The following GCC2 variants were observed in gnomAD, a reference collection of about 807,000 sequenced individuals.
GCC2 encodes GRIP and coiled-coil domain-containing protein 2.
Under a neutral mutation model 210.6 loss-of-function variants are expected in GCC2, and 120 were observed. The observed-to-expected ratio is 0.57, with a 90% CI of 0.49 to 0.66. The LOEUF is 0.66. Among genes scored for constraint, GCC2 ranks in the 30% least tolerant of loss-of-function variants. The pLI is 0.00. For missense variants in GCC2, 1,868 were observed against 1,871.9 expected, an observed-to-expected ratio of 1.00 and a Z score of 0.04; for synonymous variants, 703 against 652.7, an observed-to-expected ratio of 1.08 and a Z score of -1.17.
chr2:108,495,578 G>C (rs1000737912), intron 20 of GCC2, 93 bp downstream of exon 20: 3 of 793,276 alleles, frequency 3.8e-6, no homozygotes, highest in Non-Finnish European at 5.8e-6. Context: ...TTTTTGGGCT[G>C]CTCCAATAAA....
intron 4 of GCC2, among the ~76,000 whole-genome samples, chr2:108,458,181 C>T (rs79809908): frequency 0.025 from 3,814 of 152,078 alleles, 65 homozygotes; most frequent in African/African-American, 0.033. Flanking sequence ...AGATGACATA[C>T]GACTTTTGCC....
intron 7 of GCC2, among the ~76,000 whole-genome samples, chr2:108,474,586 C>T (rs748949798): frequency 5.3e-5 from 8 of 152,020 alleles, no homozygotes; most frequent in African/African-American, 1.5e-4. Flanking sequence ...AGAAAAAAAG[C>T]GATGGGACAA....
intron 7 of GCC2, chr2:108,474,644 G>A (rs1681412874): frequency 6.6e-6 from 1 of 152,208 alleles, no homozygotes; most frequent in South Asian, 2.1e-4. Context: ...GAGGGGCAGT[G>A]TGGTTTAATT....
chr2:108,479,324 A>G (rs886403362), intron 9 of GCC2, among the ~76,000 whole-genome samples: 1 of 152,112 alleles, frequency 6.6e-6, no homozygotes, highest in Admixed American at 6.5e-5. Context: ...TAGAAACAAA[A>G]GTGCGTTAGT....
chr2:108,450,438 T>A (rs897733746), intron 2 of GCC2, among the ~76,000 whole-genome samples: 13 of 152,258 alleles, frequency 8.5e-5, no homozygotes, highest in African/African-American at 3.1e-4. Context: ...TCCAACCTAC[T>A]GATTTTACAA....
intron 22 of GCC2, among the ~76,000 whole-genome samples, chr2:108,500,993 T>C (rs966820195): frequency 1.3e-5 from 2 of 152,188 alleles, no homozygotes; most frequent in Non-Finnish European, 2.9e-5. Flanking sequence ...CTTTATTTTG[T>C]TGTCGTGTTT....
At position 108,471,944 on chromosome 2, in the gene GCC2, G is replaced by A. The variant is rs1451858435; in HGVS notation, c.2615G>A (p.Arg872Lys). 6 of 1,603,160 alleles carry A rather than the reference G, an allele frequency of 3.7e-6. No individual in the cohort carries two copies. The highest frequency in any genetic ancestry group is 1.7e-5 in the Admixed American group (1 of 57,356). Reference protein sequence around the residue: ...LEMKNANEKTRLENQNLLIQV... With the variant: ...LEMKNANEKTKLENQNLLIQV... ...ATGAAGAATGCTAATGAAAAAACAA[G>A]GCTTGAAAATCAGAATCTTTTAATT... Residue 872 changes from arginine (R) to lysine (K), a missense_variant, in exon 6 of 23, where the codon AGG becomes AAG. This residue lies in a region of GCC2 where 1,847 missense variants were observed against 1,765.2 expected (regional missense o/e 1.05). Coordinates refer to ENST00000309863, the MANE Select transcript of GCC2 (RefSeq NM_181453.4).
At position 108,496,233 on chromosome 2, in the gene GCC2, C is replaced by G. The variant is rs536184820; in HGVS notation, c.4643-737C>G. On this transcript the variant is annotated intron_variant, in intron 20 of 22. Coordinates refer to ENST00000309863, the MANE Select transcript of GCC2 (RefSeq NM_181453.4). Reference sequence around the variant, plus strand: ...AAACTGACAGTTTCAGTTTATTCCTCTTGATGAAGTAATGCTAAATTTTTG... The same window carrying G: ...AAACTGACAGTTTCAGTTTATTCCTGTTGATGAAGTAATGCTAAATTTTTG... 2.0e-3 allele frequency: 309 copies of G among 151,802 alleles called. 3 individuals are homozygous for G. Among genetic ancestry groups the G allele is most frequent in the South Asian group, 7.9e-3 (38 of 4,790 alleles). The allele number at this position is 151,802 out of a possible 1,614,324, so 9.4% of individuals were successfully genotyped here.
intron 16 of GCC2, 144 bp downstream of exon 16, chr2:108,486,792 CT>C: frequency 1.7e-6 from 1 of 579,732 alleles, no homozygotes; most frequent in Non-Finnish European, 2.7e-6. Context: ...GTTAATCTGG[CT>C]TTAACCCCAA....
At position 108,489,970 on chromosome 2, in the gene GCC2, G is replaced by C. The variant is rs1200823043; in HGVS notation, c.4185G>C (p.Lys1395Asn). Residue 1395 changes from lysine to asparagine, a missense_variant, in exon 18 of 23, where the codon AAG (lysine) becomes AAC (asparagine). Lys to Asn is a moderately conservative substitution (Grantham distance 94). Coordinates refer to ENST00000309863, the MANE Select transcript of GCC2 (RefSeq NM_181453.4). ...ATACACTGCTAGAAAGGCACAACAAGATGCTGCAGGAAACTGTGTCCAAAG... is the reference window on the plus strand; with the variant it reads ...ATACACTGCTAGAAAGGCACAACAACATGCTGCAGGAAACTGTGTCCAAAG... Reference protein sequence around the residue: ...EHDTLLERHNKMLQETVSKEA... With the variant: ...EHDTLLERHNNMLQETVSKEA... 1.9e-6 allele frequency: 3 copies of C among 1,610,172 alleles called. No individual in the cohort carries two copies. In the African/African-American group the frequency reaches 4.0e-5, roughly 22 times the overall value.
intron 18 of GCC2, 132 bp downstream of exon 18, chr2:108,490,146 CTT>C: frequency 7.6e-6 from 5 of 657,392 alleles, no homozygotes; most frequent in Non-Finnish European, 1.2e-5. Flanking sequence ...GGCTTGGAAA[CTT>C]TGCTTTATCT....
At chr2:108,504,154 C>G (rs912380534) in intron 22 of GCC2, among the ~76,000 whole-genome samples, 23 of 152,026 alleles carry the variant, frequency 1.5e-4, no homozygotes, top group African/African-American at 4.6e-4. Flanking sequence ...AATAATATGT[C>G]AAACATTAGA....
chr2:108,449,799 T>C, intron 2 of GCC2, 110 bp downstream of exon 2: 1 of 767,946 alleles, frequency 1.3e-6, no homozygotes, highest in Non-Finnish European at 2.2e-6. Flanking sequence ...TTTAATAGCC[T>C]TGCTCCAAGG....
At position 108,470,136 on chromosome 2, in the gene GCC2, GATAA is replaced by G; in HGVS notation, c.812_815del (p.Asn271SerfsTer2). On this transcript the variant is annotated frameshift_variant, in exon 6 of 23. Transcript: ENST00000309863. LOFTEE classifies it high-confidence loss of function. ...CATCAGCTAAGGAACATGAAGCAGA[GATAA>G]ATAAGTTGAACGAGCTAAAAGAGAA... 4 of 1,613,724 alleles carry G rather than the reference GATAA, an allele frequency of 2.5e-6. No homozygotes were observed. The highest frequency in any genetic ancestry group is 1.3e-5 in the African/African-American group (1 of 75,028).
chr2:108,506,212 G>A (rs1026033806), intron 22 of GCC2, among the ~76,000 whole-genome samples: 7 of 152,248 alleles, frequency 4.6e-5, no homozygotes, highest in East Asian at 1.9e-4. Context: ...TGCTAAAAAC[G>A]AGGAAGATCT....
In GCC2 at chr2:108,469,817, A is replaced by C. The variant is rs779742639; in HGVS notation, c.488A>C (p.Gln163Pro). The change falls in exon 6 of 23, where the codon CAA becomes CCA. Residue 163 changes from glutamine (Q) to proline (P), a missense_variant. Gln to Pro is a moderately conservative substitution (Grantham distance 76). Coordinates refer to ENST00000309863, the MANE Select transcript of GCC2 (RefSeq NM_181453.4). ...CAGCTGGAAGAAGCAATGAATACGCAATTAGAACTTTCAGAACAACTTAAA... is the reference window on the plus strand; with the variant it reads ...CAGCTGGAAGAAGCAATGAATACGCCATTAGAACTTTCAGAACAACTTAAA... The part of the protein sequence containing the change: ...QKQLEEAMNT[Q>P]LELSEQLKFQ... The C allele has an allele frequency of 6.2e-7, 1 of 1,613,814 alleles. No individual in the cohort carries two copies. The highest frequency in any genetic ancestry group is 8.5e-7 in the Non-Finnish European group (1 of 1,179,806).
At chr2:108,472,720 A>G (rs896198106) in intron 6 of GCC2, 107 bp from the exon 7 acceptor site, 9 of 686,238 alleles carry the variant, frequency 1.3e-5, no homozygotes, top group Non-Finnish European at 2.2e-5. Context: ...ATTCTCTTTG[A>G]TAGTGATTTT....
chr2:108,476,294 G>A (rs1003777532), intron 9 of GCC2, among the ~76,000 whole-genome samples: 5 of 151,900 alleles, frequency 3.3e-5, no homozygotes, highest in Non-Finnish European at 5.9e-5. Context: ...TCCTGACCTC[G>A]TGATCCACCT....
rs746030313 is a variant in GCC2 at position 108,475,504 on chromosome 2, C to T, written c.2861-31C>T. 1.7e-4 allele frequency: 173 copies of T among 1,011,622 alleles called. No individual in the cohort carries two copies. The Middle Eastern group carries it at 2.8e-3, about 16-fold the overall frequency. 62.7% of individuals were successfully genotyped at this position (1,011,622 alleles called of 1,614,324 possible). ...AATTTGAATTTTTTCCTTTTGAGTT[C>T]GTATGTAATCCATTTATTTTCTATT... On this transcript the variant is annotated intron_variant, in intron 7 of 22. Coordinates refer to ENST00000309863, the MANE Select transcript of GCC2 (RefSeq NM_181453.4).
Sources: allele counts gnomAD v4.1 joint callset (sites outside exome capture counted in the v4.1 genomes callset), GRCh38; gene constraint gnomAD v4.1.1; regional missense constraint gnomAD v4.1.1; transcripts MANE v1.5; gene names NCBI Gene and HGNC (gene_info 2026-07-23, HGNC 2026-07-21).